ADAMTS12: variants seen among roughly 807,000 people sequenced by gnomAD.
The protein encoded by ADAMTS12 is ADAM metallopeptidase with thrombospondin type 1 motif 12, also known as A disintegrin and metalloproteinase with thrombospondin motifs 12.
A neutral mutation model predicts 167.8 loss-of-function variants in ADAMTS12; 118 were observed. That is an observed-to-expected ratio of 0.70 (90% confidence interval 0.61 to 0.82). The LOEUF is 0.82. Among genes scored for constraint, ADAMTS12 ranks in the 40% least tolerant of loss-of-function variants. The pLI, the probability that ADAMTS12 is intolerant of heterozygous loss-of-function variation, is 0.00. For synonymous variants in ADAMTS12, 704 were observed against 716.9 expected, an observed-to-expected ratio of 0.98 and a Z score of 0.29; for missense variants, 1,916 against 1,998.8, an observed-to-expected ratio of 0.96 and a Z score of 0.79.
At chr5:33,627,137 G>A (rs868061355) in intron 13 of ADAMTS12, among the ~76,000 whole-genome samples, 1 of 149,312 alleles carries the variant, frequency 6.7e-6, no homozygotes, top group African/African-American at 2.5e-5. Flanking sequence ...TGATGTGGTG[G>A]TGGTGGTGGT....
intron 2 of ADAMTS12, among the ~76,000 whole-genome samples, chr5:33,835,685 C>G (rs1310190480): frequency 9.1e-6 from 1 of 109,670 alleles, no homozygotes; most frequent in African/African-American, 5.4e-5. Context: ...TCCCAATGGC[C>G]CTACCCCTAA....
intron 3 of ADAMTS12, among the ~76,000 whole-genome samples, chr5:33,703,687 G>A (rs911826647): frequency 2.0e-5 from 3 of 152,086 alleles, no homozygotes; most frequent in Non-Finnish European, 4.4e-5. Flanking sequence ...TTGACCTAAT[G>A]TCCTTCAGGG....
At chr5:33,527,514 A>T in intron 23 of ADAMTS12, 148 bp from the exon 24 acceptor site, 1 of 754,736 alleles carries the variant, frequency 1.3e-6, no homozygotes. Flanking sequence ...CTGAATGTTT[A>T]TTATGTATCA....
intron 22 of ADAMTS12, among the ~76,000 whole-genome samples, chr5:33,539,873 A>G: frequency 6.6e-6 from 1 of 152,194 alleles, no homozygotes; most frequent in South Asian, 2.1e-4. Context: ...TGCAGCTCCC[A>G]GCGAGATCGA....
chr5:33,595,940 G>A lies in ADAMTS12; in HGVS notation c.2648C>T (p.Pro883Leu), dbSNP rs573482608. The change falls in exon 17 of 24, where the codon CCA becomes CTA. Residue 883 changes from proline (P) to leucine (L), a missense_variant. Coordinates refer to ENST00000504830, the MANE Select transcript of ADAMTS12 (RefSeq NM_030955.4). The stretch of plus-strand genomic sequence containing the variant: ...AGCTGTTAGCGATGGTTACCTGGGT[G>A]GACAAGCCTTTTCATGGCACTTCTT... ...RQKKCHEKAC[P>L]PRWWAGEWEA... The A allele has an allele frequency of 3.9e-4, 626 of 1,614,034 alleles. 5 individuals carry two copies. The South Asian group carries it at 6.5e-3, about 17-fold the overall frequency.
intron 23 of ADAMTS12, among the ~76,000 whole-genome samples, chr5:33,532,781 C>T (rs897650818): frequency 6.6e-6 from 1 of 151,998 alleles, no homozygotes; most frequent in African/African-American, 2.4e-5. Context: ...GAAACTAAAC[C>T]TTATATGAAT....
chr5:33,576,435 T>C lies in ADAMTS12; in HGVS notation c.3591A>G (p.Ala1197=), dbSNP rs750474937. 1.9e-6 allele frequency: 3 copies of C among 1,611,834 alleles called. No homozygotes were observed. Among genetic ancestry groups the C allele is most frequent in the African/African-American group, 2.7e-5 (2 of 74,818 alleles). The change falls in exon 19 of 24, where the codon GCA becomes GCG. Residue 1197 remains alanine, a synonymous_variant. Coordinates refer to ENST00000504830, the MANE Select transcript of ADAMTS12 (RefSeq NM_030955.4). ...TGCTGAGATCTGGTGTTAGTGGAGG[T>C]GCAAGTGGCATTTCTGTACTTTCCA... ...APVESTEMPL[A]PPLTPDLSRE...
At chr5:33,770,157 A>G (rs560074981) in intron 2 of ADAMTS12, among the ~76,000 whole-genome samples, 1 of 152,278 alleles carries the variant, frequency 6.6e-6, no homozygotes, top group East Asian at 1.9e-4. Context: ...AAGGTTCCAA[A>G]GAGACCTTCC....
rs1408902795 is a variant in ADAMTS12, at chr5:33,891,977, G to A, written c.-121C>T. 1 of 1,319,012 alleles carries A rather than the reference G, an allele frequency of 7.6e-7. No homozygotes were observed. Among genetic ancestry groups the A allele is most frequent in the Non-Finnish European group, 1.0e-6 (1 of 968,362 alleles). The allele number at this position is 1,319,012 out of a possible 1,614,324, so 81.7% of individuals were successfully genotyped here. A position where few individuals can be genotyped will look rare whatever the true frequency, so the allele number is the denominator to read the frequency against. On this transcript the variant is annotated 5_prime_UTR_variant, in exon 1 of 24. Coordinates refer to ENST00000504830, the MANE Select transcript of ADAMTS12 (RefSeq NM_030955.4). ...GTGCATGGTCAGGCGCGAGAAGGCA[G>A]CGACTGCAAAGCTGCCCGCGATCTC... is the stretch of plus-strand genomic sequence containing the variant.
At position 33,575,417 on chromosome 5, in the gene ADAMTS12, A is replaced by G. The variant is rs576575329; in HGVS notation, c.3972+637T>C. Among the ~76,000 whole-genome samples, 9 of 152,320 alleles carry G rather than the reference A, an allele frequency of 5.9e-5. No homozygotes were observed. The East Asian group carries it at 1.7e-3, about 29-fold the overall frequency. On this transcript the variant is annotated intron_variant, in intron 19 of 23. Transcript: ENST00000504830. Reference sequence around the variant, plus strand: ...AGAGATAATCTACACTTGCCTTATCATTCTGTAGGCCAAAAAAAAGGCTCA... The same window carrying G: ...AGAGATAATCTACACTTGCCTTATCGTTCTGTAGGCCAAAAAAAAGGCTCA...
At chr5:33,645,527 C>G (rs1287054544) in intron 9 of ADAMTS12, among the ~76,000 whole-genome samples, 2 of 152,136 alleles carry the variant, frequency 1.3e-5, no homozygotes, top group Non-Finnish European at 2.9e-5. Flanking sequence ...CTTTTGTTAT[C>G]TCCACTTCAG....
At chr5:33,788,585 C>A (rs111231432) in intron 2 of ADAMTS12, among the ~76,000 whole-genome samples, 1 of 151,844 alleles carries the variant, frequency 6.6e-6, no homozygotes, top group African/African-American at 2.4e-5. Flanking sequence ...AGTGAGTTGG[C>A]GAGGAAAGGA....
At chr5:33,831,708 G>C (rs1023504523) in intron 2 of ADAMTS12, among the ~76,000 whole-genome samples, 1 of 152,208 alleles carries the variant, frequency 6.6e-6, no homozygotes, top group South Asian at 2.1e-4. Flanking sequence ...AAATTAAGCA[G>C]ACTGCTTAAT....
At chr5:33,672,206 C>A (rs760257591) in intron 5 of ADAMTS12, among the ~76,000 whole-genome samples, 3 of 149,646 alleles carry the variant, frequency 2.0e-5, no homozygotes, top group Non-Finnish European at 3.0e-5. Context: ...TACACACACA[C>A]CCCCACATAC....
intron 3 of ADAMTS12, among the ~76,000 whole-genome samples, chr5:33,720,523 T>C (rs1043319000): frequency 1.3e-5 from 2 of 152,312 alleles, no homozygotes; most frequent in East Asian, 3.9e-4. Flanking sequence ...AAAGATTTGC[T>C]GGCTCAAGAA....
At chr5:33,565,525 G>C (rs1745970591) in intron 19 of ADAMTS12, among the ~76,000 whole-genome samples, 1 of 152,140 alleles carries the variant, frequency 6.6e-6, no homozygotes, top group Non-Finnish European at 1.5e-5. Context: ...GTCATGAGGG[G>C]GGACTCTTGC....
chr5:33,577,311 T>A, intron 18 of ADAMTS12, 151 bp from the exon 19 acceptor site: 1 of 1,139,076 alleles, frequency 8.8e-7, no homozygotes, highest in Non-Finnish European at 1.2e-6. Flanking sequence ...GCTCTTTCAG[T>A]TTTCCATGGA....
chr5:33,603,656 C>T (rs926650272), intron 16 of ADAMTS12: 4 of 152,116 alleles, frequency 2.6e-5, no homozygotes, highest in African/African-American at 9.7e-5. Flanking sequence ...TGTGGAAAGT[C>T]GGCTGGCTCT....
intron 3 of ADAMTS12, among the ~76,000 whole-genome samples, chr5:33,719,566 G>A (rs754601096): frequency 2.0e-5 from 3 of 152,190 alleles, no homozygotes; most frequent in Non-Finnish European, 4.4e-5. Context: ...TGGCTCAGCT[G>A]TCCAATGAGT....
Sources: allele counts gnomAD v4.1 joint callset (sites outside exome capture counted in the v4.1 genomes callset), GRCh38; gene constraint gnomAD v4.1.1; transcripts MANE v1.5; gene names NCBI Gene and HGNC (gene_info 2026-07-23, HGNC 2026-07-21).